Variants in IL17B observed in about 807,000 individuals in gnomAD.
IL17B encodes the protein interleukin 17B.
Under a neutral mutation model 14.7 loss-of-function variants are expected in IL17B, and 14 were observed. That is an observed-to-expected ratio of 0.95 (90% CI 0.63 to 1.49). IL17B has a LOEUF of 1.49. IL17B is among the 40% of genes most tolerant of loss of function. The pLI, the probability that IL17B is intolerant of heterozygous loss-of-function variation, is 0.00. For synonymous variants in IL17B, 105 were observed against 94.8 expected (o/e 1.11, Z -0.62); for missense variants, 233 against 252.8 (o/e 0.92, Z 0.53).
rs147405895 is a variant in IL17B at position 149,379,211 on chromosome 5, G to A, written c.15C>T (p.His5=). The A allele has an allele frequency of 6.2e-7, 1 of 1,614,082 alleles. No individual in the cohort carries two copies. Among genetic ancestry groups the A allele is most frequent in the Non-Finnish European group, 8.5e-7 (1 of 1,179,992 alleles). MDWP[H]NLLFLLTISI... ...GCAGGGAAGCGCCACGTACCAGGTT[G>A]TGAGGCCAGTCCATTCCGCCAAGCT... Residue 5 remains histidine, a synonymous_variant, in exon 1 of 3, where the codon CAC becomes CAT. Transcript: ENST00000261796.
intron 1 of IL17B, among the ~76,000 whole-genome samples, chr5:149,385,060 T>C (rs1758795420): frequency 6.6e-6 from 1 of 151,782 alleles, no homozygotes; most frequent in African/African-American, 2.4e-5. Context: ...ATTACAGGCA[T>C]GCGCCACCAT....
upstream of IL17B, among the ~76,000 whole-genome samples, chr5:149,380,614 C>G (rs1040826425): frequency 6.6e-6 from 1 of 152,198 alleles, no homozygotes; most frequent in Non-Finnish European, 1.5e-5. Context: ...GGTGAACAGC[C>G]CAGCCCAATG....
intron 1 of IL17B, among the ~76,000 whole-genome samples, chr5:149,401,918 C>T (rs1424366435): frequency 6.6e-6 from 1 of 152,216 alleles, no homozygotes; most frequent in African/African-American, 2.4e-5. Context: ...CGTTCTTTCA[C>T]ACATCGAACG....
chr5:149,401,638 A>AGGGGGCTGAG (rs1481976397), intron 1 of IL17B, among the ~76,000 whole-genome samples: 1 of 152,132 alleles, frequency 6.6e-6, no homozygotes, highest in East Asian at 1.9e-4. Flanking sequence ...CCAGCTACTT[A>AGGGGGCTGAG]GGGGGCTGAG....
intron 1 of IL17B, 45 bp from the exon 2 acceptor site, chr5:149,377,070 T>G: frequency 3.4e-6 from 5 of 1,481,340 alleles, no homozygotes; most frequent in Middle Eastern, 1.8e-4. Flanking sequence ...GCCAAGTCTC[T>G]ATCTGGGCCA....
intron 1 of IL17B, among the ~76,000 whole-genome samples, chr5:149,398,933 A>G (rs428255): frequency 0.37 from 57,028 of 152,076 alleles, 12,181 homozygotes; most frequent in African/African-American, 0.59. Context: ...ACAGTTCCAC[A>G]TGGCTGGGGA....
chr5:149,389,004 G>T (rs1353952518), intron 1 of IL17B, among the ~76,000 whole-genome samples: 1 of 152,194 alleles, frequency 6.6e-6, no homozygotes, highest in Non-Finnish European at 1.5e-5. Context: ...AGGCCATAAC[G>T]TAAAGTCTAG....
At chr5:149,385,158 C>T (rs1758798417) in intron 1 of IL17B, among the ~76,000 whole-genome samples, 1 of 151,782 alleles carries the variant, frequency 6.6e-6, no homozygotes, top group Non-Finnish European at 1.5e-5. Context: ...GAGTTCGACA[C>T]CAGCCTGACC....
chr5:149,392,984 G>C (rs1759013169), intron 1 of IL17B, among the ~76,000 whole-genome samples: 1 of 143,122 alleles, frequency 7.0e-6, no homozygotes, highest in South Asian at 2.1e-4. Flanking sequence ...GTGCGTGTGT[G>C]TGTGCGTGTG....
intron 1 of IL17B, among the ~76,000 whole-genome samples, chr5:149,394,983 G>GT (rs1347096871): frequency 6.6e-6 from 1 of 152,112 alleles, no homozygotes; most frequent in African/African-American, 2.4e-5. Flanking sequence ...GGTAACAAAC[G>GT]TAATACCTGA....
At chr5:149,385,513 C>G (rs190815527) in intron 1 of IL17B, among the ~76,000 whole-genome samples, 1 of 152,256 alleles carries the variant, frequency 6.6e-6, no homozygotes, top group Admixed American at 6.5e-5. Flanking sequence ...GCCTCAGGCC[C>G]CCATGTGGGG....
upstream of IL17B, among the ~76,000 whole-genome samples, chr5:149,382,426 T>C (rs1404819289): frequency 1.3e-5 from 2 of 152,176 alleles, no homozygotes; most frequent in African/African-American, 4.8e-5. Context: ...ACACCTTAAT[T>C]CACAGAAAAT....
chr5:149,389,150 C>G (rs555427589), intron 1 of IL17B, among the ~76,000 whole-genome samples: 2 of 152,324 alleles, frequency 1.3e-5, no homozygotes, highest in African/African-American at 4.8e-5. Flanking sequence ...AGTTTAATTT[C>G]TTTGAAGAGT....
intron 1 of IL17B, among the ~76,000 whole-genome samples, chr5:149,377,424 G>A (rs2227455): frequency 5.5e-4 from 84 of 152,288 alleles, no homozygotes; most frequent in African/African-American, 1.9e-3. Flanking sequence ...TAAAGTTTGT[G>A]TATACAATTC....
chr5:149,377,429 C>A (rs1273358291), intron 1 of IL17B, among the ~76,000 whole-genome samples: 1 of 152,176 alleles, frequency 6.6e-6, no homozygotes, highest in African/African-American at 2.4e-5. Context: ...TTTGTGTATA[C>A]AATTCTTTTA....
intron 2 of IL17B, 83 bp downstream of exon 2, chr5:149,376,653 T>G (rs1013456927): frequency 8.7e-6 from 13 of 1,493,174 alleles, no homozygotes; most frequent in African/African-American, 2.8e-5. Flanking sequence ...CCTCTGAATC[T>G]GAGATCTTAA....
At position 149,374,805 on chromosome 5, in the gene IL17B, T is replaced by TC; in HGVS notation, c.312-206_312-205insG. 1 of 537,722 alleles carries TC rather than the reference T, an allele frequency of 1.9e-6. No homozygotes were observed. Among genetic ancestry groups the TC allele is most frequent in the Non-Finnish European group, 3.3e-6 (1 of 301,862 alleles). The allele number at this position is 537,722 out of a possible 1,614,324, so 33.3% of individuals were successfully genotyped here. On this transcript the variant is annotated intron_variant, in intron 2 of 2. Coordinates refer to ENST00000261796, the MANE Select transcript of IL17B (RefSeq NM_014443.3). This position sits in a 1 kb window ranked among gnomAD's most constrained non-coding sequence, Gnocchi z 5.0. ...GAAGGCAAGTCGAGAGCCCCAAGGTTATCCAGCTTCAAGGTCACCAGTCAC... is the reference window on the plus strand; with the variant it reads ...GAAGGCAAGTCGAGAGCCCCAAGGTTCATCCAGCTTCAAGGTCACCAGTCAC...
chr5:149,387,373 T>C (rs1346947348), intron 1 of IL17B, among the ~76,000 whole-genome samples: 2 of 152,226 alleles, frequency 1.3e-5, no homozygotes, highest in African/African-American at 4.8e-5. Context: ...TCAAGGTTTA[T>C]GGCTGTGGGA....
At position 149,374,418 on chromosome 5, in the gene IL17B, T is replaced by C; in HGVS notation, c.494A>G (p.Gln165Arg). 6.2e-7 allele frequency: 1 copy of C among 1,605,200 alleles called. No homozygotes were observed. Among genetic ancestry groups the C allele is most frequent in the Non-Finnish European group, 8.5e-7 (1 of 1,177,892 alleles). ...AGCGATGGTCTCCATGACTGCGCGCTGGCGGCAAGGCCCTGTGCGGGGCGG... is the reference window on the plus strand; with the variant it reads ...AGCGATGGTCTCCATGACTGCGCGCCGGCGGCAAGGCCCTGTGCGGGGCGG... ...PPPPRTGPCR[Q>R]RAVMETIAVG... The change falls in exon 3 of 3, where the codon CAG becomes CGG. Residue 165 changes from glutamine to arginine, a missense_variant. Transcript: ENST00000261796. This position sits in a 1 kb window ranked among gnomAD's most constrained non-coding sequence, Gnocchi z 5.0.
Sources: gnomAD v4.1 joint callset for allele counts (sites outside exome capture counted in the v4.1 genomes callset) on GRCh38, gnomAD v4.1.1 for gene constraint, Gnocchi (gnomAD v3.1) non-coding constraint, MANE v1.5 for transcripts, NCBI Gene and HGNC (gene_info 2026-07-23, HGNC 2026-07-21) for gene names.